The following CTNND2 variants were observed in gnomAD, a reference collection of about 807,000 sequenced individuals.
The protein encoded by CTNND2 is catenin delta 2.
CTNND2 carries 22 observed loss-of-function variants against 144.4 expected under a neutral mutation model. The observed-to-expected ratio is 0.15, with a 90% CI of 0.11 to 0.22. CTNND2 has a LOEUF of 0.22. CTNND2 is among the 10% of genes least tolerant of loss of function. The pLI, the probability that CTNND2 is intolerant of heterozygous loss-of-function variation, is 1.00. For missense variants in CTNND2, 1,353 were observed against 1,618.8 expected, an observed-to-expected ratio of 0.84 and a Z score of 2.82; for synonymous variants, 751 against 695.6, an observed-to-expected ratio of 1.08 and a Z score of -1.25.
chr5:11,323,298 C>T (rs1752227924), intron 9 of CTNND2, among the ~76,000 whole-genome samples: 1 of 151,772 alleles, frequency 6.6e-6, no homozygotes, highest in Non-Finnish European at 1.5e-5. Flanking sequence ...AATCTTCCTG[C>T]CTTAGCCTCC....
At chr5:11,456,769 C>T (rs1765772723) in intron 3 of CTNND2, among the ~76,000 whole-genome samples, 1 of 151,972 alleles carries the variant, frequency 6.6e-6, no homozygotes, top group African/African-American at 2.4e-5. Context: ...CCATTGAATG[C>T]TGCTAAGTAT....
intron 1 of CTNND2, among the ~76,000 whole-genome samples, chr5:11,812,477 CT>C (rs1792391084): frequency 6.6e-6 from 1 of 152,120 alleles, no homozygotes; most frequent in Admixed American, 6.5e-5. Context: ...CTGTGGAGTT[CT>C]CCCAGCATCA....
chr5:11,564,059 T>A (rs967217295), intron 3 of CTNND2, among the ~76,000 whole-genome samples: 1 of 152,184 alleles, frequency 6.6e-6, no homozygotes, highest in African/African-American at 2.4e-5. Flanking sequence ...CCATAGGGGA[T>A]GGCAAGGTCA....
chr5:11,760,075 A>G (rs910488977), intron 1 of CTNND2, among the ~76,000 whole-genome samples: 3 of 147,050 alleles, frequency 2.0e-5, no homozygotes, highest in Non-Finnish European at 3.0e-5. Flanking sequence ...AAAAAATCCT[A>G]TTTATCCCTC....
chr5:11,261,370 A>G lies in CTNND2; in HGVS notation c.1629-24547T>C, dbSNP rs145564790. Among the ~76,000 whole-genome samples the G allele has an allele frequency of 1.3e-4, 20 of 152,234 alleles. 1 individual carries two copies. Among genetic ancestry groups the G allele is most frequent in the Admixed American group, 5.9e-4 (9 of 15,302 alleles). On this transcript the variant is annotated intron_variant, in intron 9 of 21. Transcript: ENST00000304623. ...CCAGAACTCGCTGAGAGAATACTTT[A>G]TTTGTTATTTGTTGCACACTGACAC...
At chr5:11,789,887 G>C (rs1190590749) in intron 1 of CTNND2, among the ~76,000 whole-genome samples, 1 of 152,050 alleles carries the variant, frequency 6.6e-6, no homozygotes, top group Non-Finnish European at 1.5e-5. Context: ...ATTTTATTCT[G>C]CTAAGAGATT....
chr5:11,139,274 G>C (rs1256685963), intron 12 of CTNND2, among the ~76,000 whole-genome samples: 5 of 152,114 alleles, frequency 3.3e-5, no homozygotes, highest in African/African-American at 1.2e-4. Flanking sequence ...AACCATTTTT[G>C]ATCTGGAAAC....
At chr5:11,665,890 G>A (rs1302104612) in intron 2 of CTNND2, among the ~76,000 whole-genome samples, 2 of 152,126 alleles carry the variant, frequency 1.3e-5, no homozygotes, top group African/African-American at 4.8e-5. Context: ...AGATATGACA[G>A]CAGAAATATG....
At position 11,384,697 on chromosome 5, in the gene CTNND2, G is replaced by A. The variant is rs376760091; in HGVS notation, c.1145C>T (p.Thr382Met). The change falls in exon 7 of 22, where the codon ACG (threonine) becomes ATG (methionine). Residue 382 changes from threonine (T) to methionine (M), a missense_variant. By Grantham distance (81) the Thr-to-Met change is moderately conservative (BLOSUM62 -1). This residue lies in a region of CTNND2 where 708 missense variants were observed against 706.4 expected (regional missense o/e 1.00). Transcript: ENST00000304623. This position sits in a 1 kb window ranked among gnomAD's most constrained non-coding sequence, Gnocchi z 5.2. ...YSKHSQELYATATLQRPGSLA... is the reference protein window; with the variant it reads ...YSKHSQELYAMATLQRPGSLA... Reference sequence around the variant, plus strand: ...GCTGCCCGGCCTCTGGAGGGTGGCCGTGGCATACAGCTCCTGCGAGTGCTT... The same window carrying A: ...GCTGCCCGGCCTCTGGAGGGTGGCCATGGCATACAGCTCCTGCGAGTGCTT... 1.2e-6 allele frequency: 2 copies of A among 1,608,050 alleles called. No homozygotes were observed. The highest frequency in any genetic ancestry group is 1.3e-5 in the African/African-American group (1 of 74,820).
rs1174110448 is a variant in CTNND2 at position 11,110,968 on chromosome 5, T to C, written c.2353A>G (p.Met785Val). Residue 785 changes from methionine to valine, a missense_variant, in exon 14 of 22, where the codon ATG becomes GTG. Coordinates refer to ENST00000304623, the MANE Select transcript of CTNND2 (RefSeq NM_001332.4). Reference sequence around the variant, plus strand: ...AGCCCGTCCAGCTCGTCCGTGCCCATGTGCTGTCCCTGAGACGTTTCTGCC... The same window carrying C: ...AGCCCGTCCAGCTCGTCCGTGCCCACGTGCTGTCCCTGAGACGTTTCTGCC... ...LAAETSQGQH[M>V]GTDELDGLLC... The C allele has an allele frequency of 1.2e-6, 2 of 1,614,144 alleles. No homozygotes were observed. The highest frequency in any genetic ancestry group is 8.5e-7 in the Non-Finnish European group (1 of 1,180,006).
At chr5:11,795,334 C>T (rs767879306) in intron 1 of CTNND2, among the ~76,000 whole-genome samples, 28 of 152,120 alleles carry the variant, frequency 1.8e-4, no homozygotes, top group Admixed American at 2.0e-4. Flanking sequence ...GGATACAAAC[C>T]GCAGGGAAGG....
chr5:11,635,830 C>G (rs1022839068), intron 2 of CTNND2, among the ~76,000 whole-genome samples: 1 of 152,062 alleles, frequency 6.6e-6, no homozygotes, highest in Non-Finnish European at 1.5e-5. Flanking sequence ...TTTACGGGTT[C>G]TACTAGCAGA....
intron 11 of CTNND2, among the ~76,000 whole-genome samples, chr5:11,180,890 C>T (rs1011706965): frequency 6.6e-6 from 1 of 152,230 alleles, no homozygotes; most frequent in African/African-American, 2.4e-5. Context: ...TCTCTGTCCT[C>T]TTCAGAGTTC....
intron 20 of CTNND2, chr5:10,986,745 G>C (rs1187854145): frequency 2.2e-6 from 1 of 451,636 alleles, no homozygotes; most frequent in Non-Finnish European, 4.4e-6. Context: ...TGTGCTCCTG[G>C]GGGCAGGGAT....
intron 3 of CTNND2, among the ~76,000 whole-genome samples, chr5:11,558,862 C>T (rs551527313): frequency 1.6e-4 from 24 of 152,216 alleles, no homozygotes; most frequent in Non-Finnish European, 2.5e-4. Context: ...ATCTATATGA[C>T]GTGAGAATAC....
At chr5:11,030,391 G>A (rs1013893505) in intron 16 of CTNND2, among the ~76,000 whole-genome samples, 2 of 151,956 alleles carry the variant, frequency 1.3e-5, no homozygotes, top group African/African-American at 4.8e-5. Flanking sequence ...TCTTCTTGAT[G>A]ATGTCCACAG....
At chr5:11,400,127 T>C (rs1760506634) in intron 5 of CTNND2, among the ~76,000 whole-genome samples, 1 of 152,204 alleles carries the variant, frequency 6.6e-6, no homozygotes, top group South Asian at 2.1e-4. Flanking sequence ...GTTTTTTTTT[T>C]CCTCTGGAAC....
chr5:11,415,649 G>T (rs1412913439), intron 3 of CTNND2, among the ~76,000 whole-genome samples: 2 of 152,094 alleles, frequency 1.3e-5, no homozygotes, highest in African/African-American at 4.8e-5. Flanking sequence ...AAAAATTTGT[G>T]CAAGGAAACA....
At chr5:11,635,015 G>A (rs1370637598) in intron 2 of CTNND2, among the ~76,000 whole-genome samples, 3 of 151,722 alleles carry the variant, frequency 2.0e-5, no homozygotes, top group Non-Finnish European at 4.4e-5. Flanking sequence ...TTAGAGGTAG[G>A]GATTATACAG....
Sources: allele counts gnomAD v4.1 joint callset (sites outside exome capture counted in the v4.1 genomes callset), GRCh38; gene constraint gnomAD v4.1.1; regional missense constraint gnomAD v4.1.1; non-coding constraint Gnocchi (gnomAD v3.1); transcripts MANE v1.5; gene names NCBI Gene and HGNC (gene_info 2026-07-23, HGNC 2026-07-21).